The following LSAMP variants were observed in gnomAD, a reference collection of about 807,000 sequenced individuals.
LSAMP encodes limbic system associated membrane protein.
LSAMP carries 7 observed loss-of-function variants against 38.6 expected under a neutral mutation model. The observed-to-expected ratio is 0.18, with a 90% CI of 0.10 to 0.34. The LOEUF (loss-of-function observed/expected upper bound fraction) is 0.34, where lower values mean the gene tolerates loss of function less well. Among genes scored for constraint, LSAMP ranks in the 10% least tolerant of loss-of-function variants. The probability of loss-of-function intolerance (pLI) is 1.00; values close to 1 mark genes in which losing one functional copy is unlikely to be tolerated. For missense variants in LSAMP, 313 were observed against 420.0 expected (o/e 0.75, Z 2.23); for synonymous variants, 154 against 166.8 (o/e 0.92, Z 0.59).
intron 1 of LSAMP, among the ~76,000 whole-genome samples, chr3:116,191,662 G>A (rs191724379): frequency 6.7e-4 from 102 of 151,706 alleles, no homozygotes; most frequent in African/African-American, 2.4e-3. Context: ...TCCGGGTTTA[G>A]CTCTTCTGTC....
intron 2 of LSAMP, among the ~76,000 whole-genome samples, chr3:116,061,833 T>C (rs1941600044): frequency 1.3e-5 from 2 of 152,340 alleles, no homozygotes; most frequent in South Asian, 2.1e-4. Flanking sequence ...CAAACATTCG[T>C]TGAATGTATA....
intron 1 of LSAMP, among the ~76,000 whole-genome samples, chr3:116,429,733 G>C (rs1254018276): frequency 6.6e-6 from 1 of 152,104 alleles, no homozygotes. Context: ...ATTGCAGAGG[G>C]TCAAGGCCTG....
At chr3:115,861,139 T>C (rs28675084) in intron 3 of LSAMP, among the ~76,000 whole-genome samples, 4 of 6,682 alleles carry the variant, frequency 6.0e-4, no homozygotes, top group African/African-American at 1.2e-3. Context: ...CTTTCCTTCC[T>C]TCCTTCCTTC....
At position 115,817,804 on chromosome 3, in the gene LSAMP, T is replaced by C. The variant is rs374654034; in HGVS notation, c.920-7390A>G. 3.3e-5 allele frequency among the ~76,000 whole-genome samples: 5 copies of C among 152,310 alleles called. No individual in the cohort carries two copies. In the South Asian group the frequency reaches 6.2e-4, roughly 19 times the overall value. On this transcript the variant is annotated intron_variant, in intron 6 of 6. Coordinates refer to ENST00000490035, the MANE Select transcript of LSAMP (RefSeq NM_002338.5). ...AGCCAGCACTCACCCTGGAAGTGAA[T>C]CCAGGTTCTATTAATATATAAAACA... is the stretch of plus-strand genomic sequence containing the variant.
At chr3:116,417,027 T>A (rs1209098975) in intron 1 of LSAMP, among the ~76,000 whole-genome samples, 1 of 152,112 alleles carries the variant, frequency 6.6e-6, no homozygotes, top group Non-Finnish European at 1.5e-5. Context: ...CTACTTAAAT[T>A]TGGATGCAGT....
chr3:116,189,979 T>C (rs1028951000), intron 1 of LSAMP, among the ~76,000 whole-genome samples: 1 of 152,070 alleles, frequency 6.6e-6, no homozygotes, highest in African/African-American at 2.4e-5. Flanking sequence ...CAAAACATCA[T>C]GTTGTATATG....
intron 1 of LSAMP, among the ~76,000 whole-genome samples, chr3:116,180,307 A>T (rs866400609): frequency 6.6e-5 from 10 of 152,178 alleles, no homozygotes; most frequent in South Asian, 2.1e-4. Context: ...GACACACAAA[A>T]TACAAGATGC....
intron 1 of LSAMP, among the ~76,000 whole-genome samples, chr3:116,219,348 T>C (rs1037569516): frequency 6.6e-6 from 1 of 152,232 alleles, no homozygotes; most frequent in Non-Finnish European, 1.5e-5. Context: ...TATCTGTTTA[T>C]CTGTTAATGG....
intron 1 of LSAMP, among the ~76,000 whole-genome samples, chr3:116,395,998 T>C (rs2048762106): frequency 6.6e-6 from 1 of 152,222 alleles, no homozygotes; most frequent in Admixed American, 6.5e-5. Flanking sequence ...GGTTGATTTA[T>C]ATTTTAAACC....
intron 2 of LSAMP, among the ~76,000 whole-genome samples, chr3:116,041,373 G>A (rs546856374): frequency 6.6e-6 from 1 of 152,230 alleles, no homozygotes; most frequent in African/African-American, 2.4e-5. Flanking sequence ...CTTGTCCAAA[G>A]TTTAGCCAAA....
chr3:116,064,141 T>C lies in LSAMP; in HGVS notation c.388+22183A>G, dbSNP rs867429364. The stretch of plus-strand genomic sequence containing the variant: ...AGGTATAACCTCTTCCTCTTTAACA[T>C]CATAAGCATTTGGAGTTTCCTATGC... On this transcript the variant is annotated intron_variant, in intron 2 of 6. Transcript: ENST00000490035. Among the ~76,000 whole-genome samples the C allele has an allele frequency of 3.9e-5, 6 of 152,228 alleles. No homozygotes were observed. The South Asian group carries it at 6.2e-4, about 16-fold the overall frequency.
intron 1 of LSAMP, among the ~76,000 whole-genome samples, chr3:116,183,934 G>A (rs1237591310): frequency 6.6e-6 from 1 of 151,792 alleles, no homozygotes; most frequent in Admixed American, 6.6e-5. Flanking sequence ...TCCTAATGAT[G>A]GAGGACATTA....
At chr3:116,134,348 C>T (rs917612432) in intron 1 of LSAMP, among the ~76,000 whole-genome samples, 1 of 152,134 alleles carries the variant, frequency 6.6e-6, no homozygotes, top group African/African-American at 2.4e-5. Flanking sequence ...CTCTTCCCAG[C>T]AGTCAGAATT....
At chr3:116,097,453 CA>C (rs1708249134) in intron 1 of LSAMP, among the ~76,000 whole-genome samples, 2 of 152,290 alleles carry the variant, frequency 1.3e-5, no homozygotes, top group East Asian at 3.9e-4. Flanking sequence ...ATCATTGGAG[CA>C]GAACCACATT....
chr3:115,931,571 T>C (rs1937581298), intron 3 of LSAMP, among the ~76,000 whole-genome samples: 1 of 152,158 alleles, frequency 6.6e-6, no homozygotes, highest in Non-Finnish European at 1.5e-5. Flanking sequence ...TCCACCCCCA[T>C]CATGTCTCTT....
intron 1 of LSAMP, among the ~76,000 whole-genome samples, chr3:116,373,357 A>G (rs918797068): frequency 6.6e-6 from 1 of 151,754 alleles, no homozygotes; most frequent in Non-Finnish European, 1.5e-5. Flanking sequence ...TTCCACTTAT[A>G]TGAGGTATAT....
At chr3:116,182,990 C>G (rs543379760) in intron 1 of LSAMP, among the ~76,000 whole-genome samples, 2 of 151,772 alleles carry the variant, frequency 1.3e-5, no homozygotes, top group Non-Finnish European at 1.5e-5. Flanking sequence ...CTGTTTACAC[C>G]TGCATAACAT....
chr3:115,942,575 C>T (rs1221216521), intron 3 of LSAMP, among the ~76,000 whole-genome samples: 1 of 152,104 alleles, frequency 6.6e-6, no homozygotes, highest in East Asian at 1.9e-4. Context: ...GTTTCATTCA[C>T]ATATTTTTTG....
intron 1 of LSAMP, among the ~76,000 whole-genome samples, chr3:116,291,135 A>G (rs891912626): frequency 6.6e-6 from 1 of 152,142 alleles, no homozygotes; most frequent in Non-Finnish European, 1.5e-5. Flanking sequence ...CCTTACCCCA[A>G]TCTAACCTAC....
Sources: allele counts gnomAD v4.1 joint callset (sites outside exome capture counted in the v4.1 genomes callset), GRCh38; gene constraint gnomAD v4.1.1; transcripts MANE v1.5; gene names NCBI Gene and HGNC (gene_info 2026-07-23, HGNC 2026-07-21).